NAV2: variants seen among roughly 807,000 people sequenced by gnomAD.
NAV2 encodes the protein neuron navigator 2.
Under a neutral mutation model 223.2 loss-of-function variants are expected in NAV2, and 54 were observed. That is an observed-to-expected ratio of 0.24 (90% confidence interval 0.19 to 0.30). NAV2 has a LOEUF of 0.30. Ranked by LOEUF, NAV2 falls within the 10% of genes least tolerant of loss-of-function variation. The pLI is 1.00. For synonymous variants in NAV2, 1,279 were observed against 1,239.3 expected (o/e 1.03, Z -0.67); for missense variants, 2,806 against 3,147.5 (o/e 0.89, Z 2.60).
intron 1 of NAV2, among the ~76,000 whole-genome samples, chr11:19,640,616 C>T (rs528321815): frequency 6.6e-6 from 1 of 152,128 alleles, no homozygotes; most frequent in South Asian, 2.1e-4. Context: ...ATCTTCTATG[C>T]CTGAGAGAAC....
intron 1 of NAV2, chr11:19,575,236 G>A (rs2134953946): frequency 6.5e-6 from 1 of 154,172 alleles, no homozygotes; most frequent in Non-Finnish European, 1.5e-5. Flanking sequence ...GGGGTTCTTA[G>A]CAGCAGACTA....
intron 7 of NAV2, among the ~76,000 whole-genome samples, chr11:19,937,777 T>C (rs2707076): frequency 0.95 from 144,969 of 152,330 alleles, 69,439 homozygotes; most frequent in East Asian, 1. Flanking sequence ...GTTGCCTGTG[T>C]AGCATATGAA....
At chr11:19,448,227 G>T (rs1851659527) in intron 1 of NAV2, among the ~76,000 whole-genome samples, 1 of 152,088 alleles carries the variant, frequency 6.6e-6, no homozygotes, top group African/African-American at 2.4e-5. Context: ...GCCCTGGGAG[G>T]TGGCGGTCCC....
intron 1 of NAV2, among the ~76,000 whole-genome samples, chr11:19,528,632 AT>A (rs1329066954): frequency 6.6e-6 from 1 of 152,064 alleles, no homozygotes; most frequent in East Asian, 1.9e-4. Context: ...AGTGGTTCCC[AT>A]TTTTTAAGAA....
chr11:19,640,392 CAAATACATATAATATATAA>C (rs1383256367), intron 1 of NAV2, among the ~76,000 whole-genome samples: 4 of 151,462 alleles, frequency 2.6e-5, no homozygotes, highest in African/African-American at 7.3e-5. Context: ...TGTATGCACA[CAAATACATATAATATATAA>C]AAATACATAT....
chr11:19,650,196 T>C (rs2047930868), intron 1 of NAV2, among the ~76,000 whole-genome samples: 1 of 152,172 alleles, frequency 6.6e-6, no homozygotes, highest in Non-Finnish European at 1.5e-5. Context: ...TGGGCCGTAA[T>C]CCAATATGAC....
At position 19,408,823 on chromosome 11, in the gene NAV2, GT is replaced by G. The variant is rs67066855; in HGVS notation, c.75+57797del. Reference sequence around the variant, plus strand: ...TTTACAGCCTCTTTTTTCTGGCGGGGTGGGGGGATGTTAATACTCCAAACTG... The same window carrying G: ...TTTACAGCCTCTTTTTTCTGGCGGGGGGGGGGATGTTAATACTCCAAACTG... On this transcript the variant is annotated intron_variant, in intron 1 of 37. Coordinates refer to the NAV2 transcript ENST00000360655. 2.1e-4 allele frequency among the ~76,000 whole-genome samples: 15 copies of G among 71,714 alleles called. No individual in the cohort carries two copies. In the East Asian group the frequency reaches 3.7e-3, roughly 18 times the overall value. 47.0% of individuals were successfully genotyped at this position (71,714 alleles called of 152,430 possible). A position where few individuals can be genotyped will look rare whatever the true frequency, so the allele number is the denominator to read the frequency against.
At chr11:19,524,262 AC>A (rs2043775147) in intron 1 of NAV2, among the ~76,000 whole-genome samples, 1 of 152,226 alleles carries the variant, frequency 6.6e-6, no homozygotes, top group South Asian at 2.1e-4. Flanking sequence ...CACATCTGCC[AC>A]TTGGAGTATC....
intron 1 of NAV2, among the ~76,000 whole-genome samples, chr11:19,667,623 T>G (rs760414912): frequency 1.6e-4 from 25 of 152,162 alleles, no homozygotes; most frequent in Non-Finnish European, 3.1e-4. Flanking sequence ...ATTAGGAGCT[T>G]GTTGAGTGAG....
At chr11:20,110,466 C>T (rs898615249) in intron 36 of NAV2, among the ~76,000 whole-genome samples, 8 of 152,172 alleles carry the variant, frequency 5.3e-5, no homozygotes, top group Non-Finnish European at 1.2e-4. Flanking sequence ...TCATTTAGTT[C>T]TGACAGCCCA....
At chr11:19,710,191 C>A (rs73422570), upstream of NAV2, among the ~76,000 whole-genome samples, 1 of 152,138 alleles carries the variant, frequency 6.6e-6, no homozygotes, top group South Asian at 2.1e-4. Context: ...AGTGATCAGG[C>A]GGCTATTTCC....
chr11:19,367,140 A>G (rs1195585627), intron 1 of NAV2, among the ~76,000 whole-genome samples: 1 of 152,204 alleles, frequency 6.6e-6, no homozygotes, highest in Non-Finnish European at 1.5e-5. Context: ...CTGGCCTCTC[A>G]ATGTTCTCAC....
intron 11 of NAV2, among the ~76,000 whole-genome samples, chr11:19,993,955 G>A (rs2568133): frequency 0.99 from 150,595 of 152,316 alleles, 74,472 homozygotes; most frequent in East Asian, 1. Context: ...AGAAGCTTAC[G>A]ATCAAGTAGA....
intron 1 of NAV2, among the ~76,000 whole-genome samples, chr11:19,671,614 A>G (rs2048571926): frequency 6.6e-6 from 1 of 152,170 alleles, no homozygotes; most frequent in Non-Finnish European, 1.5e-5. Flanking sequence ...CCTGCACAAG[A>G]CTGAGTTTCA....
chr11:20,103,484 T>C, intron 33 of NAV2, 75 bp downstream of exon 33: 1 of 1,561,144 alleles, frequency 6.4e-7, no homozygotes, highest in Non-Finnish European at 8.7e-7. Flanking sequence ...TGCACACAGG[T>C]GGCCCGGGGC....
chr11:19,942,659 G>C (rs1030256829), intron 8 of NAV2, among the ~76,000 whole-genome samples: 2 of 152,138 alleles, frequency 1.3e-5, no homozygotes, highest in African/African-American at 4.8e-5. Context: ...TTACCAAAAG[G>C]AAAGATGAGA....
chr11:19,561,078 A>C (rs1477607607), intron 1 of NAV2, among the ~76,000 whole-genome samples: 4 of 152,186 alleles, frequency 2.6e-5, no homozygotes, highest in African/African-American at 9.7e-5. Flanking sequence ...ACACCTGGCA[A>C]ATTCTGGATG....
rs1240543013 is a variant in NAV2, at chr11:19,630,173, T to C, written c.76-202311T>C. On this transcript the variant is annotated intron_variant, in intron 1 of 37. Transcript: ENST00000360655. ...CACAAAGAATGCTCAATAAATTATA[T>C]ATCATTTGCTTCATCTCTCTGTATC... Among the ~76,000 whole-genome samples, 4 of 152,204 alleles carry C rather than the reference T, an allele frequency of 2.6e-5. No individual in the cohort carries two copies. In the East Asian group the frequency reaches 7.7e-4, roughly 29 times the overall value.
intron 3 of NAV2, among the ~76,000 whole-genome samples, chr11:19,848,655 A>C (rs2060942133): frequency 6.6e-6 from 1 of 152,200 alleles, no homozygotes; most frequent in South Asian, 2.1e-4. Context: ...TCCATGAGAC[A>C]ATCTACATGA....
Sources: gnomAD v4.1 joint callset for allele counts (sites outside exome capture counted in the v4.1 genomes callset) on GRCh38, gnomAD v4.1.1 for gene constraint, MANE v1.5 for transcripts, NCBI Gene and HGNC (gene_info 2026-07-23, HGNC 2026-07-21) for gene names.